CSMD1: variants seen among roughly 807,000 people sequenced by gnomAD.
CSMD1 encodes CUB and sushi domain-containing protein 1.
Under a neutral mutation model 417.5 loss-of-function variants are expected in CSMD1, and 213 were observed. That is an observed-to-expected ratio of 0.51 (90% CI 0.46 to 0.57). The LOEUF is 0.57. Among genes scored for constraint, CSMD1 ranks in the 20% least tolerant of loss-of-function variants. The pLI, the probability that CSMD1 is intolerant of heterozygous loss-of-function variation, is 0.00. For synonymous variants in CSMD1, 2,862 were observed against 1,736.8 expected (o/e 1.65, Z -16.11); for missense variants, 6,923 against 4,529.7 (o/e 1.53, Z -15.17).
At chr8:3,736,919 G>A (rs1796551404) in intron 6 of CSMD1, among the ~76,000 whole-genome samples, 1 of 152,196 alleles carries the variant, frequency 6.6e-6, no homozygotes, top group Non-Finnish European at 1.5e-5. Flanking sequence ...AACATTCCGT[G>A]TGAAGCATTC....
chr8:3,514,708 G>T (rs139817213), intron 10 of CSMD1, among the ~76,000 whole-genome samples: 7 of 151,858 alleles, frequency 4.6e-5, no homozygotes, highest in African/African-American at 1.7e-4. Flanking sequence ...ATCATTTGAA[G>T]CTGAACCATG....
chr8:4,557,493 G>A (rs1290586869), intron 2 of CSMD1, among the ~76,000 whole-genome samples: 1 of 151,504 alleles, frequency 6.6e-6, no homozygotes, highest in Non-Finnish European at 1.5e-5. Flanking sequence ...TCATTTAAAT[G>A]ACTGAAGAAA....
chr8:4,969,783 G>A (rs1366357216), intron 1 of CSMD1, among the ~76,000 whole-genome samples: 2 of 152,016 alleles, frequency 1.3e-5, no homozygotes, highest in African/African-American at 2.4e-5. Context: ...AGGCTGCTAT[G>A]TGGAACTTTA....
chr8:4,344,315 G>A (rs551019817), intron 3 of CSMD1, among the ~76,000 whole-genome samples: 2 of 151,978 alleles, frequency 1.3e-5, no homozygotes, highest in South Asian at 2.1e-4. Flanking sequence ...CATTTCAGAC[G>A]TGGCCTTCAA....
chr8:4,003,201 G>A (rs886634213), intron 4 of CSMD1, among the ~76,000 whole-genome samples: 10 of 152,030 alleles, frequency 6.6e-5, no homozygotes, highest in Admixed American at 2.0e-4. Flanking sequence ...AGACCATCCT[G>A]GCTAACATGG....
rs1809049631 is a variant in CSMD1 at position 3,359,974 on chromosome 8, A to G, written c.3116-634T>C. 2.0e-5 allele frequency among the ~76,000 whole-genome samples: 3 copies of G among 152,192 alleles called. No homozygotes were observed. The South Asian group carries it at 6.2e-4, about 32-fold the overall frequency. On this transcript the variant is annotated intron_variant, in intron 20 of 69. Coordinates refer to ENST00000635120, the MANE Select transcript of CSMD1 (RefSeq NM_033225.6). ...GAGAGTGTGGAATAATTTTACTGAT[A>G]TTTCTAATTGCTTAAATTGGTTACT...
intron 3 of CSMD1, among the ~76,000 whole-genome samples, chr8:4,258,340 G>A (rs1183547676): frequency 4.1e-4 from 30 of 72,648 alleles, no homozygotes; most frequent in Non-Finnish European, 7.5e-4. Context: ...GAGGGAGGGA[G>A]GGGAGGGAGA....
rs148956426 is a variant in CSMD1 at position 4,611,349 on chromosome 8, G to A, written c.302+25993C>T. ...GAAGACTACACAAAGCTCACTTCAT[G>A]GTTATCCGATGCTGGGTCTAACTCA... On this transcript the variant is annotated intron_variant, in intron 2 of 69. Transcript: ENST00000635120. 1.8e-3 allele frequency among the ~76,000 whole-genome samples: 273 copies of A among 152,238 alleles called. 1 individual carries two copies. The highest frequency in any genetic ancestry group is 6.5e-3 in the African/African-American group (270 of 41,524).
intron 69 of CSMD1, among the ~76,000 whole-genome samples, chr8:2,941,319 T>C (rs1021544814): frequency 6.6e-6 from 1 of 152,244 alleles, no homozygotes; most frequent in Non-Finnish European, 1.5e-5. Context: ...AAAGAGGCTA[T>C]TTCATGAGTT....
intron 1 of CSMD1, among the ~76,000 whole-genome samples, chr8:4,862,194 C>A (rs982695765): frequency 2.0e-5 from 3 of 151,890 alleles, no homozygotes; most frequent in Admixed American, 1.3e-4. Flanking sequence ...TTCCTTGAAC[C>A]TCAACGAGGC....
intron 1 of CSMD1, among the ~76,000 whole-genome samples, chr8:4,946,066 G>T (rs990302441): frequency 6.6e-6 from 1 of 152,150 alleles, no homozygotes; most frequent in Non-Finnish European, 1.5e-5. Flanking sequence ...CAGCATTGCC[G>T]CTGGCAACGA....
chr8:4,292,981 A>G (rs145372045), intron 3 of CSMD1, among the ~76,000 whole-genome samples: 1 of 152,226 alleles, frequency 6.6e-6, no homozygotes, highest in Non-Finnish European at 1.5e-5. Flanking sequence ...AGACGTGAAC[A>G]GTCTCTTTTC....
At chr8:3,258,299 C>T (rs1800806865) in intron 26 of CSMD1, among the ~76,000 whole-genome samples, 2 of 152,108 alleles carry the variant, frequency 1.3e-5, no homozygotes, top group Admixed American at 6.6e-5. Context: ...TGAACAGACA[C>T]TTTTTAAAAG....
At position 3,864,124 on chromosome 8, in the gene CSMD1, A is replaced by T. The variant is rs549619570; in HGVS notation, c.819-110082T>A. Among the ~76,000 whole-genome samples, 80 of 144,566 alleles carry T rather than the reference A, an allele frequency of 5.5e-4. 1 individual carries two copies. The highest frequency in any genetic ancestry group is 3.8e-3 in the Middle Eastern group (1 of 264). The allele number at this position is 144,566 out of a possible 152,430, so 94.8% of individuals were successfully genotyped here. On this transcript the variant is annotated intron_variant, in intron 5 of 69. Transcript: ENST00000635120. ...TGATTTTTAAAGCTGTTGATATTTT[A>T]AAAAAAAATGTGACCAGCATTTATG...
intron 12 of CSMD1, among the ~76,000 whole-genome samples, chr8:3,449,575 T>G (rs1225537524): frequency 2.0e-5 from 3 of 152,058 alleles, no homozygotes; most frequent in Non-Finnish European, 4.4e-5. Flanking sequence ...TGGAGTGCAA[T>G]GGCACAATAT....
intron 2 of CSMD1, among the ~76,000 whole-genome samples, chr8:4,481,416 T>C (rs1004530690): frequency 6.6e-6 from 1 of 152,240 alleles, no homozygotes; most frequent in Non-Finnish European, 1.5e-5. Context: ...GGATCACAGT[T>C]GAATTGGCAG....
At chr8:2,966,316 A>C (rs1437234862) in intron 58 of CSMD1, among the ~76,000 whole-genome samples, 1 of 152,146 alleles carries the variant, frequency 6.6e-6, no homozygotes, top group Non-Finnish European at 1.5e-5. Context: ...CAAAGTCTGG[A>C]CTTTTTTGGT....
rs1585147190 is a variant in CSMD1 at position 3,730,743 on chromosome 8, G to A, written c.932-22252C>T. Among the ~76,000 whole-genome samples, 3 of 152,236 alleles carry A rather than the reference G, an allele frequency of 2.0e-5. No homozygotes were observed. The South Asian group carries it at 6.2e-4, about 32-fold the overall frequency. ...CCTAGAAACTTATTCACAGTTCTAT[G>A]CAGATAGGACCAGAGTTATGTGTCA... On this transcript the variant is annotated intron_variant, in intron 6 of 69. Coordinates refer to ENST00000635120, the MANE Select transcript of CSMD1 (RefSeq NM_033225.6).
intron 1 of CSMD1, among the ~76,000 whole-genome samples, chr8:4,791,709 A>C (rs1797699791): frequency 6.6e-6 from 1 of 152,188 alleles, no homozygotes; most frequent in Admixed American, 6.5e-5. Flanking sequence ...CCATTGTGCA[A>C]GCCAATAGTT....
Sources: gnomAD v4.1 joint callset for allele counts (sites outside exome capture counted in the v4.1 genomes callset) on GRCh38, gnomAD v4.1.1 for gene constraint, MANE v1.5 for transcripts, NCBI Gene and HGNC (gene_info 2026-07-23, HGNC 2026-07-21) for gene names.